THSD4: variants seen among roughly 807,000 people sequenced by gnomAD.
THSD4 encodes thrombospondin type-1 domain-containing protein 4.
THSD4 carries 69 observed loss-of-function variants against 119.0 expected under a neutral mutation model. The observed-to-expected ratio is 0.58, with a 90% CI of 0.48 to 0.71. THSD4 has a LOEUF of 0.71. Ranked by LOEUF, THSD4 falls within the 30% of genes least tolerant of loss-of-function variation. THSD4 has a pLI of 0.00. For synonymous variants in THSD4, 524 were observed against 540.4 expected (o/e 0.97, Z 0.42); for missense variants, 1,393 against 1,391.1 (o/e 1.00, Z -0.02).
chr15:71,540,195 T>A (rs2048739667), intron 7 of THSD4, among the ~76,000 whole-genome samples: 1 of 147,754 alleles, frequency 6.8e-6, no homozygotes, highest in African/African-American at 2.5e-5. Flanking sequence ...TGGAGTGCAG[T>A]GGTGTGATCT....
chr15:71,126,687 T>G (rs935852576), intron 1 of THSD4, among the ~76,000 whole-genome samples: 1 of 152,132 alleles, frequency 6.6e-6, no homozygotes, highest in African/African-American at 2.4e-5. Context: ...TAAAAATGCC[T>G]CAAGGAGCAA....
At chr15:71,517,726 ACTC>A (rs2048381024) in intron 7 of THSD4, among the ~76,000 whole-genome samples, 1 of 151,896 alleles carries the variant, frequency 6.6e-6, no homozygotes, top group Non-Finnish European at 1.5e-5. Context: ...GCTTTACTCT[ACTC>A]CTCATCCAAA....
At chr15:71,259,764 C>CT (rs2044368037) in intron 6 of THSD4, among the ~76,000 whole-genome samples, 1 of 152,176 alleles carries the variant, frequency 6.6e-6, no homozygotes, top group Non-Finnish European at 1.5e-5. Flanking sequence ...AACCTCTCAT[C>CT]TAAGAGGGGA....
At chr15:71,509,409 C>G (rs958005412) in intron 7 of THSD4, among the ~76,000 whole-genome samples, 1 of 152,328 alleles carries the variant, frequency 6.6e-6, no homozygotes, top group Admixed American at 6.5e-5. Flanking sequence ...TCCTTTGTCT[C>G]ATTATCCAAG....
chr15:71,608,737 G>T (rs1368971119), intron 7 of THSD4, among the ~76,000 whole-genome samples: 1 of 152,136 alleles, frequency 6.6e-6, no homozygotes, highest in Non-Finnish European at 1.5e-5. Flanking sequence ...TCTACTGCCA[G>T]CATCTCACCT....
chr15:71,563,201 TCAC>T (rs1264169477), intron 7 of THSD4, among the ~76,000 whole-genome samples: 1 of 152,026 alleles, frequency 6.6e-6, no homozygotes, highest in Non-Finnish European at 1.5e-5. Flanking sequence ...AACCTTTACA[TCAC>T]CACACTGGAG....
intron 7 of THSD4, among the ~76,000 whole-genome samples, chr15:71,467,049 A>T (rs2047510737): frequency 1.3e-5 from 2 of 152,218 alleles, no homozygotes; most frequent in African/African-American, 4.8e-5. Context: ...AAGGCCTAGG[A>T]GATCCAAACC....
chr15:71,598,913 G>A (rs1043349485), intron 7 of THSD4, among the ~76,000 whole-genome samples: 2 of 152,152 alleles, frequency 1.3e-5, no homozygotes, highest in African/African-American at 2.4e-5. Context: ...CACCGCATCT[G>A]ACCGGAACTT....
At chr15:71,511,084 G>T (rs1448567133) in intron 7 of THSD4, among the ~76,000 whole-genome samples, 2 of 152,188 alleles carry the variant, frequency 1.3e-5, no homozygotes, top group African/African-American at 4.8e-5. Flanking sequence ...TGAGTACAGA[G>T]CAAGATAAAG....
intron 7 of THSD4, among the ~76,000 whole-genome samples, chr15:71,549,226 A>G (rs1399371597): frequency 6.6e-6 from 1 of 152,200 alleles, no homozygotes; most frequent in African/African-American, 2.4e-5. Flanking sequence ...ATAGCTAGAA[A>G]ACCCGATCAG....
chr15:71,242,905 C>G lies in THSD4; in HGVS notation c.721C>G (p.Pro241Ala). ...CTCTGGACTGCAGGCTGCGGAGGCC[C>G]CCATCTACCAGCTACCTTTGACCCA... is the stretch of plus-strand genomic sequence containing the variant. ...PRSGLQAAEAPIYQLPLTHDQ... is the reference protein window; with the variant it reads ...PRSGLQAAEAAIYQLPLTHDQ... Residue 241 changes from proline to alanine, a missense_variant, in exon 5 of 18, where the codon CCC (proline) becomes GCC (alanine). Pro to Ala is a conservative substitution (Grantham distance 27). Coordinates refer to ENST00000261862, the MANE Select transcript of THSD4 (RefSeq NM_024817.3). The G allele has an allele frequency of 6.2e-7, 1 of 1,614,196 alleles. No individual in the cohort carries two copies.
chr15:71,587,787 T>TAAAAAAAAAAAAAAGAAA (rs1207231444), intron 7 of THSD4, among the ~76,000 whole-genome samples: 1 of 105,550 alleles, frequency 9.5e-6, no homozygotes, highest in Non-Finnish European at 1.9e-5. Context: ...AAAAAAAAAT[T>TAAAAAAAAAAAAAAGAAA]AAAAAAAAAA....
chr15:71,265,324 C>T (rs1354866803), intron 6 of THSD4, among the ~76,000 whole-genome samples: 1 of 152,102 alleles, frequency 6.6e-6, no homozygotes, highest in Admixed American at 6.5e-5. Context: ...CAGGGTGGGG[C>T]TCTGCATCAC....
intron 7 of THSD4, among the ~76,000 whole-genome samples, chr15:71,542,671 A>G (rs536910454): frequency 6.6e-6 from 1 of 152,182 alleles, no homozygotes; most frequent in East Asian, 1.9e-4. Context: ...AGGTCAGGAG[A>G]TGGAGACCAT....
intron 7 of THSD4, among the ~76,000 whole-genome samples, chr15:71,648,763 A>C (rs2051022754): frequency 1.3e-5 from 2 of 152,198 alleles, no homozygotes; most frequent in African/African-American, 4.8e-5. Flanking sequence ...AGCTTGTGTG[A>C]AAAAGGGGAT....
chr15:71,260,715 G>T (rs1392889630), intron 6 of THSD4, among the ~76,000 whole-genome samples: 5 of 152,110 alleles, frequency 3.3e-5, no homozygotes, highest in African/African-American at 9.7e-5. Context: ...CAGGCGAGAA[G>T]GCTTACCATG....
intron 7 of THSD4, among the ~76,000 whole-genome samples, chr15:71,438,921 G>A (rs564733530): frequency 2.6e-5 from 4 of 152,110 alleles, no homozygotes; most frequent in African/African-American, 9.7e-5. Flanking sequence ...TTACTTGATT[G>A]AAAAATGAAT....
chr15:71,284,783 A>G (rs991426687), intron 6 of THSD4, among the ~76,000 whole-genome samples: 2 of 152,148 alleles, frequency 1.3e-5, no homozygotes, highest in African/African-American at 2.4e-5. Context: ...AATTCATTGT[A>G]TCCAGGTCTT....
chr15:71,169,176 TA>T (rs1476858707), intron 3 of THSD4, among the ~76,000 whole-genome samples: 1 of 152,224 alleles, frequency 6.6e-6, no homozygotes, highest in Non-Finnish European at 1.5e-5. Flanking sequence ...AAATGGCTGA[TA>T]AGCATATGAA....
Sources: gnomAD v4.1 joint callset for allele counts (sites outside exome capture counted in the v4.1 genomes callset) on GRCh38, gnomAD v4.1.1 for gene constraint, MANE v1.5 for transcripts, NCBI Gene and HGNC (gene_info 2026-07-23, HGNC 2026-07-21) for gene names.